Variants in ARHGAP44 observed in about 807,000 individuals in gnomAD.
ARHGAP44 encodes Rho GTPase activating protein 44, also known as rho GTPase-activating protein 44.
ARHGAP44 carries 43 observed loss-of-function variants against 106.8 expected under a neutral mutation model. The observed-to-expected ratio is 0.40, with a 90% CI of 0.32 to 0.52. The LOEUF (loss-of-function observed/expected upper bound fraction) is 0.52, where lower values mean the gene tolerates loss of function less well. Among genes scored for constraint, ARHGAP44 ranks in the 20% least tolerant of loss-of-function variants. The pLI is 0.48. For missense variants in ARHGAP44, 866 were observed against 1,050.5 expected, an observed-to-expected ratio of 0.82 and a Z score of 2.43; for synonymous variants, 439 against 410.3, an observed-to-expected ratio of 1.07 and a Z score of -0.85.
chr17:12,808,514 G>C (rs1311779078), intron 1 of ARHGAP44, among the ~76,000 whole-genome samples: 1 of 152,242 alleles, frequency 6.6e-6, no homozygotes, highest in Admixed American at 6.5e-5. Context: ...ACCATGTGGA[G>C]GCTGCCAAGG....
chr17:12,938,986 TCTTTC>T (rs1432030695), intron 7 of ARHGAP44, among the ~76,000 whole-genome samples: 1 of 152,228 alleles, frequency 6.6e-6, no homozygotes, highest in African/African-American at 2.4e-5. Context: ...TTCAGGGCCT[TCTTTC>T]CTTTCCTCTG....
chr17:12,856,796 G>A (rs527922543), intron 1 of ARHGAP44, among the ~76,000 whole-genome samples: 12 of 152,222 alleles, frequency 7.9e-5, no homozygotes, highest in African/African-American at 2.9e-4. Flanking sequence ...AATGAATGTC[G>A]AGCTTTAACA....
At chr17:12,899,953 G>A (rs969736503) in intron 3 of ARHGAP44, among the ~76,000 whole-genome samples, 4 of 152,160 alleles carry the variant, frequency 2.6e-5, no homozygotes, top group Non-Finnish European at 5.9e-5. Flanking sequence ...TGCCCTGAAA[G>A]CTGTGGCTGC....
At chr17:12,953,355 TG>T (rs1247341875) in intron 13 of ARHGAP44, among the ~76,000 whole-genome samples, 1 of 152,202 alleles carries the variant, frequency 6.6e-6, no homozygotes, top group East Asian at 1.9e-4. Flanking sequence ...ATCCCGGCCC[TG>T]CCGCCTTTCC....
intron 7 of ARHGAP44, among the ~76,000 whole-genome samples, chr17:12,929,893 T>G (rs1274639137): frequency 1.3e-5 from 2 of 152,236 alleles, no homozygotes; most frequent in Admixed American, 1.3e-4. Flanking sequence ...CTCTGTCTAG[T>G]CTTAGCTTGT....
At chr17:12,924,420 G>A (rs1471404689) in intron 6 of ARHGAP44, among the ~76,000 whole-genome samples, 3 of 152,150 alleles carry the variant, frequency 2.0e-5, no homozygotes, top group African/African-American at 7.2e-5. Context: ...GTTTGGTTTA[G>A]CAGTGCTTAA....
intron 18 of ARHGAP44, among the ~76,000 whole-genome samples, chr17:12,979,120 T>C (rs1456079156): frequency 1.3e-5 from 2 of 152,198 alleles, no homozygotes; most frequent in Admixed American, 1.3e-4. Flanking sequence ...CTCCCAACTG[T>C]GGGGCATCTC....
chr17:12,981,320 C>T (rs1290992749), intron 19 of ARHGAP44, among the ~76,000 whole-genome samples: 1 of 151,750 alleles, frequency 6.6e-6, no homozygotes, highest in African/African-American at 2.4e-5. Context: ...AAAGTGCCGG[C>T]GTGAGATTTC....
chr17:12,872,333 C>A (rs965329371), intron 1 of ARHGAP44, among the ~76,000 whole-genome samples: 3 of 152,172 alleles, frequency 2.0e-5, no homozygotes, highest in Non-Finnish European at 4.4e-5. Context: ...GCTTTCTAAG[C>A]CTCCTGCAGG....
chr17:12,964,332 C>G (rs1033183240), intron 16 of ARHGAP44, among the ~76,000 whole-genome samples: 8 of 152,198 alleles, frequency 5.3e-5, no homozygotes, highest in African/African-American at 1.9e-4. Flanking sequence ...AGTGTCTGCA[C>G]TCTTGCTGGT....
chr17:12,912,317 T>TGAG (rs2037760682), intron 4 of ARHGAP44, among the ~76,000 whole-genome samples: 1 of 67,068 alleles, frequency 1.5e-5, no homozygotes, highest in Non-Finnish European at 2.9e-5. Context: ...TATGAAATTC[T>TGAG]CAGGAGGTTG....
At chr17:12,790,289 T>G in intron 1 of ARHGAP44, 10 of 191,512 alleles carry the variant, frequency 5.2e-5, no homozygotes, top group East Asian at 1.6e-4. Context: ...CGGAGATCTC[T>G]TCCCTCCCCT....
chr17:12,888,582 G>C (rs776856421), intron 1 of ARHGAP44, among the ~76,000 whole-genome samples: 1 of 152,160 alleles, frequency 6.6e-6, no homozygotes, highest in Non-Finnish European at 1.5e-5. Context: ...GGAGTGTTCT[G>C]TAAGTATCAA....
intron 16 of ARHGAP44, among the ~76,000 whole-genome samples, chr17:12,972,578 G>A (rs1392203502): frequency 2.0e-5 from 3 of 151,964 alleles, no homozygotes; most frequent in African/African-American, 4.8e-5. Flanking sequence ...AACCCAGGAG[G>A]CAGAGGTTGC....
At chr17:12,948,579 A>G (rs992107045) in intron 10 of ARHGAP44, among the ~76,000 whole-genome samples, 2 of 152,148 alleles carry the variant, frequency 1.3e-5, no homozygotes, top group Non-Finnish European at 2.9e-5. Flanking sequence ...ACTGAACACG[A>G]GAATTGCTTG....
intron 16 of ARHGAP44, among the ~76,000 whole-genome samples, chr17:12,963,656 G>A (rs536852340): frequency 4.6e-5 from 7 of 151,592 alleles, no homozygotes; most frequent in Admixed American, 2.6e-4. Context: ...TAGACAGGTC[G>A]GCCTTGCACC....
intron 1 of ARHGAP44, among the ~76,000 whole-genome samples, chr17:12,856,614 T>G (rs1274214003): frequency 6.6e-6 from 1 of 152,180 alleles, no homozygotes; most frequent in South Asian, 2.1e-4. Context: ...TGAAAGGCTG[T>G]TATAACATAC....
At chr17:12,847,944 T>C (rs1355321569) in intron 1 of ARHGAP44, among the ~76,000 whole-genome samples, 1 of 152,246 alleles carries the variant, frequency 6.6e-6, no homozygotes, top group Non-Finnish European at 1.5e-5. Context: ...AACAGTATTG[T>C]ATAGGCTTGC....
chr17:12,808,281 C>T (rs1227238833), intron 1 of ARHGAP44, among the ~76,000 whole-genome samples: 1 of 152,192 alleles, frequency 6.6e-6, no homozygotes, highest in Non-Finnish European at 1.5e-5. Flanking sequence ...TGACGGTGGC[C>T]CTCTTCTCAC....
Sources: allele counts gnomAD v4.1 joint callset (sites outside exome capture counted in the v4.1 genomes callset), GRCh38; gene constraint gnomAD v4.1.1; transcripts MANE v1.5; gene names NCBI Gene and HGNC (gene_info 2026-07-23, HGNC 2026-07-21).